Variants in EML5 observed in about 807,000 individuals in gnomAD.
EML5 encodes the protein echinoderm microtubule-associated protein-like 5.
EML5 carries 120 observed loss-of-function variants against 250.0 expected under a neutral mutation model. The ratio of observed to expected loss-of-function variants is 0.48; its 90% CI spans 0.41 to 0.56. EML5 has a LOEUF of 0.56. Ranked by LOEUF, EML5 falls within the 20% of genes least tolerant of loss-of-function variation. The pLI is 0.00. For synonymous variants in EML5, 771 were observed against 806.5 expected, an observed-to-expected ratio of 0.96 and a Z score of 0.75; for missense variants, 2,006 against 2,437.6, an observed-to-expected ratio of 0.82 and a Z score of 3.73.
At chr14:88,702,713 A>G in intron 13 of EML5, 81 bp from the exon 14 acceptor site, 1 of 993,940 alleles carries the variant, frequency 1.0e-6, no homozygotes, top group Admixed American at 3.6e-5. Context: ...AGAAGTAGGT[A>G]CCCTTTGGGT....
chr14:88,770,478 T>C (rs1054450538), intron 1 of EML5, among the ~76,000 whole-genome samples: 1 of 152,038 alleles, frequency 6.6e-6, no homozygotes, highest in African/African-American at 2.4e-5. Flanking sequence ...GACCATTCAG[T>C]ACAGAGAAAA....
intron 22 of EML5, among the ~76,000 whole-genome samples, chr14:88,664,839 G>A (rs1025103303): frequency 1.3e-4 from 20 of 152,020 alleles, no homozygotes; most frequent in African/African-American, 4.8e-4. Flanking sequence ...AGTTCAGTGG[G>A]AAGCAAATGT....
intron 28 of EML5, among the ~76,000 whole-genome samples, chr14:88,649,404 G>A (rs1195125547): frequency 2.0e-5 from 3 of 151,960 alleles, no homozygotes; most frequent in Non-Finnish European, 2.9e-5. Flanking sequence ...CCACACTGTC[G>A]TTTCAGAAAC....
At chr14:88,618,018 A>AT in intron 41 of EML5, 1 of 382,758 alleles carries the variant, frequency 2.6e-6, no homozygotes. Context: ...CCTTAAAAAA[A>AT]AAACTTGATA....
intron 1 of EML5, among the ~76,000 whole-genome samples, chr14:88,779,903 A>G (rs905445344): frequency 6.6e-6 from 1 of 152,108 alleles, no homozygotes; most frequent in African/African-American, 2.4e-5. Flanking sequence ...TTTTACTTCT[A>G]TGTTACTGTG....
chr14:88,772,420 A>G (rs1348044359), intron 1 of EML5, among the ~76,000 whole-genome samples: 1 of 152,240 alleles, frequency 6.6e-6, no homozygotes, highest in Non-Finnish European at 1.5e-5. Context: ...ACCGAATTAG[A>G]ATGAAACCTG....
intron 1 of EML5, among the ~76,000 whole-genome samples, chr14:88,756,408 T>G (rs2094159718): frequency 6.6e-6 from 1 of 152,090 alleles, no homozygotes; most frequent in Non-Finnish European, 1.5e-5. Context: ...TATTTAATGA[T>G]GAAAGCCTGA....
chr14:88,682,146 T>C (rs947407294), intron 20 of EML5, 115 bp from the exon 21 acceptor site: 12 of 1,083,920 alleles, frequency 1.1e-5, no homozygotes, highest in Middle Eastern at 2.9e-4. Flanking sequence ...GGATACCGAA[T>C]AGTGAGTAAA....
chr14:88,714,851 G>A, intron 9 of EML5, 88 bp downstream of exon 9: 2 of 1,293,854 alleles, frequency 1.5e-6, no homozygotes, highest in Middle Eastern at 4.0e-4. Flanking sequence ...GATTTCCTAT[G>A]ATCAAATGTA....
Position 88,715,660 on chromosome 14 carries a change from C to G in EML5, c.1188-465G>C, listed in dbSNP as rs546923562. Among the ~76,000 whole-genome samples the G allele has an allele frequency of 2.1e-3, 292 of 141,664 alleles. 2 individuals carry two copies. The highest frequency in any genetic ancestry group is 3.3e-3 in the Non-Finnish European group (215 of 64,372). The allele number at this position is 141,664 out of a possible 152,430, so 92.9% of individuals were successfully genotyped here. ...ATTCATCTATATTACTTCAGTAATA[C>G]TTTTTTTTTTTTTTTGAGACAGAGT... On this transcript the variant is annotated intron_variant, in intron 8 of 43. Coordinates refer to ENST00000554922, the MANE Select transcript of EML5 (RefSeq NM_183387.3).
chr14:88,697,606 T>C (rs1046554329), intron 14 of EML5, among the ~76,000 whole-genome samples: 1 of 152,220 alleles, frequency 6.6e-6, no homozygotes, highest in Non-Finnish European at 1.5e-5. Flanking sequence ...TCTTAATTAT[T>C]CCTCTAGACT....
intron 2 of EML5, among the ~76,000 whole-genome samples, chr14:88,747,395 G>C (rs1167597496): frequency 6.6e-6 from 1 of 152,000 alleles, no homozygotes; most frequent in African/African-American, 2.4e-5. Context: ...CTGGGAGACA[G>C]AGAGAGACTC....
chr14:88,628,207 G>A (rs2090166309), intron 33 of EML5, among the ~76,000 whole-genome samples: 1 of 152,058 alleles, frequency 6.6e-6, no homozygotes, highest in Non-Finnish European at 1.5e-5. Flanking sequence ...TAAACACCAA[G>A]TATACATTCA....
At chr14:88,703,074 C>T (rs1470408110) in intron 13 of EML5, among the ~76,000 whole-genome samples, 1 of 152,006 alleles carries the variant, frequency 6.6e-6, no homozygotes, top group Non-Finnish European at 1.5e-5. Context: ...ACCACCATCT[C>T]AGATCCAATA....
chr14:88,618,236 T>C lies in EML5; in HGVS notation c.5634A>G (p.Thr1878=). Residue 1878 remains threonine, a synonymous_variant, in exon 41 of 44, where the codon ACA becomes ACG. Transcript: ENST00000554922. Reference sequence around the variant, plus strand: ...AATATATAAGTATTTACCTAGTCCATGTAGCCCAAGTAATTCTGTCAATAG... The same window carrying C: ...AATATATAAGTATTTACCTAGTCCACGTAGCCCAAGTAATTCTGTCAATAG... ...HAAIDRITWA[T]WTSILGDEVL... is the part of the protein sequence containing the mutation. 2 of 1,613,672 alleles carry C rather than the reference T, an allele frequency of 1.2e-6. No homozygotes were observed. Among genetic ancestry groups the C allele is most frequent in the Non-Finnish European group, 1.7e-6 (2 of 1,179,776 alleles).
Position 88,620,956 on chromosome 14 carries a change from CAT to C in EML5, c.5203-32_5203-31del. On this transcript the variant is annotated intron_variant, in intron 38 of 43. Transcript: ENST00000554922. The surrounding 1 kb of genome is among the most constrained non-coding windows in gnomAD (Gnocchi z 4.3). ...ATTTAAAAAAAAAAAAAAAAAGAGT[CAT>C]AGGAAACATTAAGTGAAGTACTTCT... The C allele has an allele frequency of 7.4e-7, 1 of 1,349,866 alleles. No individual in the cohort carries two copies. Among genetic ancestry groups the C allele is most frequent in the Non-Finnish European group, 9.9e-7 (1 of 1,007,530 alleles). 83.6% of individuals were successfully genotyped at this position (1,349,866 alleles called of 1,614,324 possible).
chr14:88,620,599 A>G lies in EML5; in HGVS notation c.5375+155T>C. The stretch of plus-strand genomic sequence containing the variant: ...TATAATTTAGCAAGAAGAATTAAGT[A>G]GTATACAAACAGCCATATTTTAGCA... On this transcript the variant is annotated intron_variant, in intron 39 of 43. Transcript: ENST00000554922. This position sits in a 1 kb window ranked among gnomAD's most constrained non-coding sequence, Gnocchi z 4.3. 1.7e-6 allele frequency: 1 copy of G among 572,902 alleles called. No individual in the cohort carries two copies. The allele number at this position is 572,902 out of a possible 1,614,324, so 35.5% of individuals were successfully genotyped here. A position where few individuals can be genotyped will look rare whatever the true frequency, so the allele number is the denominator to read the frequency against.
chr14:88,631,121 G>A (rs2090414439), intron 33 of EML5, among the ~76,000 whole-genome samples: 1 of 152,174 alleles, frequency 6.6e-6, no homozygotes, highest in Non-Finnish European at 1.5e-5. Flanking sequence ...AAATTCTGAG[G>A]TGCAGTCTTA....
At chr14:88,664,362 AT>A (rs1365387739) in intron 23 of EML5, 130 bp downstream of exon 23, 4 of 708,198 alleles carry the variant, frequency 5.6e-6, no homozygotes, top group African/African-American at 1.9e-5. Context: ...GTAAAAAATA[AT>A]TTTGAGAATA....
Sources: gnomAD v4.1 joint callset for allele counts (sites outside exome capture counted in the v4.1 genomes callset) on GRCh38, gnomAD v4.1.1 for gene constraint, Gnocchi (gnomAD v3.1) non-coding constraint, MANE v1.5 for transcripts, NCBI Gene and HGNC (gene_info 2026-07-23, HGNC 2026-07-21) for gene names.